Variants in ARHGAP31 observed in about 807,000 individuals in gnomAD.
ARHGAP31 encodes rho GTPase-activating protein 31.
Under a neutral mutation model 113.9 loss-of-function variants are expected in ARHGAP31, and 34 were observed. The ratio of observed to expected loss-of-function variants is 0.30; its 90% CI spans 0.23 to 0.40. The LOEUF is 0.40. Ranked by LOEUF, ARHGAP31 falls within the 10% of genes least tolerant of loss-of-function variation. The probability of loss-of-function intolerance (pLI) is 1.00; values close to 1 mark genes in which losing one functional copy is unlikely to be tolerated. For missense variants in ARHGAP31, 1,548 were observed against 1,767.1 expected, an observed-to-expected ratio of 0.88 and a Z score of 2.22; for synonymous variants, 650 against 684.8, an observed-to-expected ratio of 0.95 and a Z score of 0.79.
intron 3 of ARHGAP31, among the ~76,000 whole-genome samples, chr3:119,379,138 T>C (rs1325464888): frequency 6.6e-6 from 1 of 152,280 alleles, no homozygotes; most frequent in East Asian, 1.9e-4. Flanking sequence ...TGGCCTGCTG[T>C]CTCACACCTA....
intron 3 of ARHGAP31, among the ~76,000 whole-genome samples, chr3:119,379,223 G>A (rs2080374872): frequency 6.6e-6 from 1 of 152,160 alleles, no homozygotes; most frequent in South Asian, 2.1e-4. Context: ...TTCTAGCAAG[G>A]GAGACAGACA....
chr3:119,335,596 A>G (rs2079937613), intron 1 of ARHGAP31, among the ~76,000 whole-genome samples: 2 of 152,204 alleles, frequency 1.3e-5, no homozygotes, highest in South Asian at 4.1e-4. Flanking sequence ...AGGCTTCCAC[A>G]GGGATTTGGG....
Position 119,344,221 on chromosome 3 carries a change from G to A in ARHGAP31, c.101-21095G>A, listed in dbSNP as rs75297775. On this transcript the variant is annotated intron_variant, in intron 1 of 11. Coordinates refer to ENST00000264245, the MANE Select transcript of ARHGAP31 (RefSeq NM_020754.4). ...ACAAGAAATTATTCATTATTTATCC[G>A]AAATTCAAATTTAACTGGATGTTCT... Among the ~76,000 whole-genome samples, 48 of 152,276 alleles carry A rather than the reference G, an allele frequency of 3.2e-4. 2 individuals carry two copies. The East Asian group carries it at 6.4e-3, about 20-fold the overall frequency.
chr3:119,400,249 T>C (rs1277550399), intron 9 of ARHGAP31, among the ~76,000 whole-genome samples: 2 of 152,050 alleles, frequency 1.3e-5, no homozygotes, highest in Non-Finnish European at 2.9e-5. Flanking sequence ...CTGGCCAACA[T>C]GGTGAAATCC....
In ARHGAP31 at chr3:119,415,872, G is replaced by A. The variant is rs2080771850; in HGVS notation, c.3943G>A (p.Glu1315Lys). Residue 1315 changes from glutamate to lysine, a missense_variant, in exon 12 of 12, where the codon GAG becomes AAG. Physicochemically the swap from Glu to Lys is moderately conservative, Grantham distance 56. Coordinates refer to ENST00000264245, the MANE Select transcript of ARHGAP31 (RefSeq NM_020754.4). ...ATGCAGAAAGCGCATGTCAGAGACA[G>A]AGCCATCTGGGGACAACCTTCTTTC... ...VQCRKRMSETEPSGDNLLSSK... is the reference protein window; with the variant it reads ...VQCRKRMSETKPSGDNLLSSK... The A allele has an allele frequency of 1.2e-6, 2 of 1,614,242 alleles. No individual in the cohort carries two copies. Among genetic ancestry groups the A allele is most frequent in the Non-Finnish European group, 8.5e-7 (1 of 1,180,050 alleles).
At chr3:119,360,348 C>T (rs978333775) in intron 1 of ARHGAP31, among the ~76,000 whole-genome samples, 4 of 152,182 alleles carry the variant, frequency 2.6e-5, no homozygotes, top group Admixed American at 2.6e-4. Flanking sequence ...TTAACAAAAT[C>T]CAGAATGGAG....
At chr3:119,383,282 G>A (rs919210242) in intron 6 of ARHGAP31, 56 bp downstream of exon 6, 16 of 1,606,118 alleles carry the variant, frequency 1.0e-5, no homozygotes, top group African/African-American at 2.7e-5. Context: ...CTTGCAACTA[G>A]TGGTGGGACT....
chr3:119,413,039 G>C (rs759228814), intron 11 of ARHGAP31, among the ~76,000 whole-genome samples: 5 of 151,378 alleles, frequency 3.3e-5, no homozygotes, highest in Admixed American at 3.3e-4. Context: ...ATTAAAGGCC[G>C]GGCATGGTGG....
chr3:119,387,454 G>T (rs1177792241), intron 6 of ARHGAP31, among the ~76,000 whole-genome samples: 2 of 152,136 alleles, frequency 1.3e-5, no homozygotes, highest in African/African-American at 2.4e-5. Context: ...TCTATATCTG[G>T]TATAACTATT....
rs777789268 is a variant in ARHGAP31 at position 119,415,152 on chromosome 3, G to T, written c.3223G>T (p.Val1075Leu). The part of the protein sequence containing the change: ...PESSKESSPS[V>L]QDSTSPGEHP... ...GAGCAGCAAGGAGAGTTCACCCAGC[G>T]TGCAGGACAGCACTTCGCCTGGAGA... is the stretch of plus-strand genomic sequence containing the variant. The change falls in exon 12 of 12, where the codon GTG becomes TTG. Residue 1075 changes from valine (V) to leucine (L), a missense_variant. By Grantham distance (32) the Val-to-Leu change is conservative. Coordinates refer to ENST00000264245, the MANE Select transcript of ARHGAP31 (RefSeq NM_020754.4). 14 of 1,614,076 alleles carry T rather than the reference G, an allele frequency of 8.7e-6. No individual in the cohort carries two copies. The highest frequency in any genetic ancestry group is 2.2e-5 in the South Asian group (2 of 91,086).
Position 119,402,010 on chromosome 3 carries a change from C to T in ARHGAP31, c.1258C>T (p.Leu420Phe). ...GFDVSSDRSH[L>F]QGAQARPPPE... ...TGATGTGAGCAGTGATCGCAGCCAT[C>T]TCCAGGGCGCTCAGGCCCGGCCCCC... The change falls in exon 10 of 12, where the codon CTC (leucine) becomes TTC (phenylalanine). Residue 420 changes from leucine (L) to phenylalanine (F), a missense_variant. Transcript: ENST00000264245. The T allele has an allele frequency of 6.2e-7, 1 of 1,614,182 alleles. No individual in the cohort carries two copies. Among genetic ancestry groups the T allele is most frequent in the Non-Finnish European group, 8.5e-7 (1 of 1,180,034 alleles).
At chr3:119,413,663 A>C (rs532105093) in intron 11 of ARHGAP31, among the ~76,000 whole-genome samples, 193 bp from the exon 12 acceptor site, 5 of 152,222 alleles carry the variant, frequency 3.3e-5, no homozygotes, top group African/African-American at 1.2e-4. Flanking sequence ...GGAAAATTAC[A>C]CAAGATACAG....
chr3:119,318,657 C>G (rs1559964977), intron 1 of ARHGAP31, among the ~76,000 whole-genome samples: 1 of 152,194 alleles, frequency 6.6e-6, no homozygotes, highest in Non-Finnish European at 1.5e-5. Context: ...TACTTACTTA[C>G]TTTACCTAGA....
At chr3:119,409,437 G>A in intron 10 of ARHGAP31, 59 bp from the exon 11 acceptor site, 1 of 1,595,498 alleles carries the variant, frequency 6.3e-7, no homozygotes, top group Non-Finnish European at 8.6e-7. Flanking sequence ...GACTGTGTTG[G>A]GAAGAGTCTC....
chr3:119,350,533 A>G (rs1192276823), intron 1 of ARHGAP31, among the ~76,000 whole-genome samples: 1 of 152,224 alleles, frequency 6.6e-6, no homozygotes, highest in African/African-American at 2.4e-5. Context: ...ACAGCCTGGG[A>G]AACCAGAGGG....
intron 3 of ARHGAP31, among the ~76,000 whole-genome samples, chr3:119,374,344 C>T (rs909948596): frequency 6.6e-6 from 1 of 152,178 alleles, no homozygotes; most frequent in Non-Finnish European, 1.5e-5. Context: ...ATCACCTGTT[C>T]TCCCTTCGCC....
chr3:119,310,772 T>C (rs2079672985), intron 1 of ARHGAP31, among the ~76,000 whole-genome samples: 1 of 152,218 alleles, frequency 6.6e-6, no homozygotes, highest in African/African-American at 2.4e-5. Flanking sequence ...CGAGAGCACT[T>C]TGAGTTAGGT....
intron 4 of ARHGAP31, among the ~76,000 whole-genome samples, chr3:119,381,547 G>T (rs2080397093): frequency 6.6e-6 from 1 of 152,148 alleles, no homozygotes; most frequent in Non-Finnish European, 1.5e-5. Context: ...AATAAATGTT[G>T]TTTATCCATG....
intron 1 of ARHGAP31, among the ~76,000 whole-genome samples, chr3:119,342,352 C>T (rs1331425599): frequency 1.3e-5 from 2 of 152,062 alleles, no homozygotes; most frequent in Non-Finnish European, 2.9e-5. Flanking sequence ...AAATGTACAT[C>T]AAGATCAAAA....
Sources: gnomAD v4.1 joint callset for allele counts (sites outside exome capture counted in the v4.1 genomes callset) on GRCh38, gnomAD v4.1.1 for gene constraint, MANE v1.5 for transcripts, NCBI Gene and HGNC (gene_info 2026-07-23, HGNC 2026-07-21) for gene names.